Variants in NLRP2 observed in about 807,000 individuals in gnomAD.
The protein encoded by NLRP2 is NACHT, LRR and PYD domains-containing protein 2.
Under a neutral mutation model 97.2 loss-of-function variants are expected in NLRP2, and 107 were observed. The observed-to-expected ratio is 1.10, with a 90% CI of 0.94 to 1.29. The LOEUF is 1.29. Among genes scored for constraint, NLRP2 ranks in the 50% most tolerant of loss-of-function variants. The pLI is 0.00. For missense variants in NLRP2, 1,495 were observed against 1,330.3 expected (o/e 1.12, Z -1.93); for synonymous variants, 663 against 551.5 (o/e 1.20, Z -2.83).
chr19:54,976,019 G>A (rs924682199), intron 3 of NLRP2, among the ~76,000 whole-genome samples: 9 of 151,856 alleles, frequency 5.9e-5, no homozygotes, highest in African/African-American at 2.2e-4. Context: ...AAAGTGCTGG[G>A]ATTACAGACA....
intron 3 of NLRP2, 88 bp from the exon 4 acceptor site, chr19:54,977,664 T>G: frequency 8.0e-7 from 1 of 1,252,394 alleles, no homozygotes; most frequent in Non-Finnish European, 1.2e-6. Context: ...TAGGCTTCAC[T>G]ACTGAGACTC....
At position 54,997,477 on chromosome 19, in the gene NLRP2, C is replaced by G. The variant is rs996672212; in HGVS notation, c.3040C>G (p.Arg1014Gly). The change falls in exon 12 of 13, where the codon CGG becomes GGG. Residue 1014 changes from arginine (R) to glycine (G), a missense_variant. Coordinates refer to ENST00000448584, the MANE Select transcript of NLRP2 (RefSeq NM_017852.5). ...CTTGACATGTTCCAGTGGCACCCTC[C>G]GGACACTCAGGTATGATCCATTTAC... is the stretch of plus-strand genomic sequence containing the variant. ...ETLTCSSGTL[R>G]TLRLKIDDFN... 2 of 1,614,032 alleles carry G rather than the reference C, an allele frequency of 1.2e-6. No homozygotes were observed. The highest frequency in any genetic ancestry group is 1.3e-5 in the African/African-American group (1 of 74,900).
chr19:54,994,141 C>T (rs1002245399), intron 10 of NLRP2, 128 bp from the exon 11 acceptor site: 3 of 1,011,526 alleles, frequency 3.0e-6, no homozygotes, highest in East Asian at 4.8e-5. Context: ...CACACCACCC[C>T]ATGATTCCAT....
chr19:54,974,095 C>G, intron 2 of NLRP2: 1 of 838,048 alleles, frequency 1.2e-6, no homozygotes, highest in Non-Finnish European at 2.0e-6. Context: ...GTGGCTCACG[C>G]CTGTAATCCC....
intron 8 of NLRP2, among the ~76,000 whole-genome samples, chr19:54,989,180 A>G (rs1262208332): frequency 1.3e-5 from 2 of 148,922 alleles, no homozygotes; most frequent in Non-Finnish European, 3.0e-5. Flanking sequence ...ATGGTCTCAA[A>G]CTCCTGACCT....
In NLRP2 at chr19:54,974,485, C is replaced by T. The variant is rs757765912; in HGVS notation, c.281-15C>T. The T allele has an allele frequency of 2.5e-6, 4 of 1,609,450 alleles. No individual in the cohort carries two copies. The highest frequency in any genetic ancestry group is 1.7e-5 in the Admixed American group (1 of 59,966). ...ATGGTAAAATGCAAAATTTTCCCCC[C>T]TTCTCCTTTTTCAGAAGCAGCTTTG... On this transcript the variant is annotated splice_polypyrimidine_tract_variant and intron_variant, in intron 2 of 12. Coordinates refer to ENST00000448584, the MANE Select transcript of NLRP2 (RefSeq NM_017852.5).
At chr19:54,977,675 AGG>A in intron 3 of NLRP2, 75 bp from the exon 4 acceptor site, 2 of 1,380,266 alleles carry the variant, frequency 1.4e-6, no homozygotes, top group South Asian at 2.3e-5. Context: ...ACTGAGACTC[AGG>A]GGTCCAACTT....
At chr19:54,986,556 CTT>C (rs72407709) in intron 8 of NLRP2, among the ~76,000 whole-genome samples, 6 of 144,582 alleles carry the variant, frequency 4.1e-5, no homozygotes, top group Admixed American at 2.1e-4. Flanking sequence ...TCTTTATCAT[CTT>C]TTTTTTTTTT....
chr19:54,970,771 T>C (rs2070792976), intron 2 of NLRP2, among the ~76,000 whole-genome samples: 1 of 33,662 alleles, frequency 3.0e-5, no homozygotes, highest in Non-Finnish European at 1.2e-4. Flanking sequence ...TACCTACTTC[T>C]TTTTTTTTTT....
chr19:54,988,416 C>T (rs1464621306), intron 8 of NLRP2, among the ~76,000 whole-genome samples: 2 of 152,004 alleles, frequency 1.3e-5, no homozygotes, highest in Admixed American at 1.3e-4. Flanking sequence ...CGTCAACCTC[C>T]CAAGTAGCTG....
At chr19:54,972,074 C>T (rs1348160455) in intron 2 of NLRP2, among the ~76,000 whole-genome samples, 2 of 150,598 alleles carry the variant, frequency 1.3e-5, no homozygotes, top group Admixed American at 6.7e-5. Flanking sequence ...GATGTCGTGA[C>T]CTCATGATCT....
At chr19:54,995,187 C>CTTTTTTTTTTTTTTTTTTTT (rs34168825) in intron 11 of NLRP2, among the ~76,000 whole-genome samples, 5 of 87,228 alleles carry the variant, frequency 5.7e-5, no homozygotes, top group African/African-American at 2.2e-4. Flanking sequence ...GTGGGTGCCT[C>CTTTTTTTTTTTTTTTTTTTT]TTTTTTTTTT....
At chr19:54,981,880 G>A (rs1329844314) in intron 5 of NLRP2, among the ~76,000 whole-genome samples, 198 bp downstream of exon 5, 2 of 151,970 alleles carry the variant, frequency 1.3e-5, no homozygotes, top group Non-Finnish European at 2.9e-5. Flanking sequence ...CCAGGTTCAA[G>A]CAATTCTCCT....
intron 2 of NLRP2, among the ~76,000 whole-genome samples, chr19:54,973,344 G>GTTTTTTTTTTTTT (rs10673643): frequency 2.2e-5 from 2 of 92,546 alleles, no homozygotes; most frequent in African/African-American, 4.5e-5. Flanking sequence ...ATGGGTGAGG[G>GTTTTTTTTTTTTT]TTTTTTTTTT....
chr19:54,986,309 A>C lies in NLRP2; in HGVS notation c.2360A>C (p.Tyr787Ser). ...AGACATCCAGAATGTAACCTGCGAT[A>C]TCTCGGGTATATCTCTTAATCATTA... Reference protein sequence around the residue: ...VLRHPECNLRYLGLVSCSATT... With the variant: ...VLRHPECNLRSLGLVSCSATT... The change falls in exon 8 of 13, where the codon TAT (tyrosine) becomes TCT (serine). Residue 787 changes from tyrosine (Y) to serine (S), a missense_variant. Coordinates refer to ENST00000448584, the MANE Select transcript of NLRP2 (RefSeq NM_017852.5). 1 of 1,613,254 alleles carries C rather than the reference A, an allele frequency of 6.2e-7. No individual in the cohort carries two copies. The highest frequency in any genetic ancestry group is 8.5e-7 in the Non-Finnish European group (1 of 1,179,224).
chr19:54,990,803 G>T (rs541673100), intron 10 of NLRP2, 131 bp downstream of exon 10: 3 of 899,224 alleles, frequency 3.3e-6, no homozygotes, highest in Non-Finnish European at 5.5e-6. Flanking sequence ...ATGACAACTG[G>T]TAAGACCTGG....
At chr19:54,991,999 A>G (rs1242072659) in intron 10 of NLRP2, among the ~76,000 whole-genome samples, 1 of 144,196 alleles carries the variant, frequency 6.9e-6, no homozygotes, top group South Asian at 2.3e-4. Flanking sequence ...GCTCACTGCA[A>G]CCTCCGGCTT....
chr19:54,999,026 C>T (rs565361961), intron 12 of NLRP2, among the ~76,000 whole-genome samples: 5 of 92,894 alleles, frequency 5.4e-5, no homozygotes, highest in African/African-American at 1.8e-4. Context: ...CTGACCCCCC[C>T]ACCTCCCTCC....
chr19:54,998,604 CTTTTTTCTTTTTTTTTTT>C (rs1477188817), intron 12 of NLRP2, among the ~76,000 whole-genome samples: 1 of 16,430 alleles, frequency 6.1e-5, no homozygotes, highest in Non-Finnish European at 1.3e-4. Context: ...TGGGGTGCAT[CTTTTTTCTTTTTTTTTTT>C]TTTTTTTCCT....
Sources: gnomAD v4.1 joint callset for allele counts (sites outside exome capture counted in the v4.1 genomes callset) on GRCh38, gnomAD v4.1.1 for gene constraint, MANE v1.5 for transcripts, NCBI Gene and HGNC (gene_info 2026-07-23, HGNC 2026-07-21) for gene names.